GRIA1: variants seen among roughly 807,000 people sequenced by gnomAD.
GRIA1 encodes glutamate receptor 1.
In GRIA1, 31 loss-of-function variants were observed where a neutral mutation model predicts 99.2. That is an observed-to-expected ratio of 0.31 (90% CI 0.23 to 0.42). GRIA1 has a LOEUF of 0.42. Among genes scored for constraint, GRIA1 ranks in the 10% least tolerant of loss-of-function variants. GRIA1 has a pLI of 1.00. For synonymous variants in GRIA1, 438 were observed against 432.4 expected (o/e 1.01, Z -0.16); for missense variants, 782 against 1,157.5 (o/e 0.68, Z 4.71).
chr5:153,675,157 C>G (rs1182917332), intron 6 of GRIA1, among the ~76,000 whole-genome samples: 1 of 152,158 alleles, frequency 6.6e-6, no homozygotes, highest in South Asian at 2.1e-4. Context: ...GGAAAACTAC[C>G]CCCAGTTGGC....
chr5:153,553,657 T>C lies in GRIA1; in HGVS notation c.220+59592T>C, dbSNP rs147883451. Among the ~76,000 whole-genome samples the C allele has an allele frequency of 2.2e-4, 33 of 152,266 alleles. No homozygotes were observed. The East Asian group carries it at 6.2e-3, about 29-fold the overall frequency. Reference sequence around the variant, plus strand: ...ATGCTCACGTGAGGCATTCTTCCCTTACCAGTATTCGTAGAACCATATGCC... The same window carrying C: ...ATGCTCACGTGAGGCATTCTTCCCTCACCAGTATTCGTAGAACCATATGCC... On this transcript the variant is annotated intron_variant, in intron 2 of 15. Transcript: ENST00000285900.
intron 2 of GRIA1, among the ~76,000 whole-genome samples, chr5:153,499,242 T>C (rs1754730179): frequency 6.6e-6 from 1 of 152,156 alleles, no homozygotes; most frequent in Non-Finnish European, 1.5e-5. Flanking sequence ...CTTTATATTA[T>C]GCAACAAATA....
intron 11 of GRIA1, among the ~76,000 whole-genome samples, chr5:153,727,075 G>A (rs1760600697): frequency 6.6e-6 from 1 of 152,052 alleles, no homozygotes; most frequent in Non-Finnish European, 1.5e-5. Flanking sequence ...TGCAAGGCTG[G>A]TTCAATATAT....
At chr5:153,567,233 T>C (rs1016818711) in intron 2 of GRIA1, among the ~76,000 whole-genome samples, 10 of 152,190 alleles carry the variant, frequency 6.6e-5, no homozygotes, top group African/African-American at 2.2e-4. Flanking sequence ...GTGAATAGGA[T>C]AGAACAATGT....
intron 12 of GRIA1, 33 bp from the exon 13 acceptor site, chr5:153,770,135 A>C (rs760428530): frequency 5.6e-6 from 9 of 1,609,630 alleles, no homozygotes. Flanking sequence ...TTCCAAGCGC[A>C]CTTAATTCCA....
At chr5:153,789,559 G>T (rs1255874806) in intron 13 of GRIA1, among the ~76,000 whole-genome samples, 1 of 152,124 alleles carries the variant, frequency 6.6e-6, no homozygotes, top group Non-Finnish European at 1.5e-5. Context: ...ACTTTTAGGA[G>T]AAAGAAAATA....
intron 2 of GRIA1, among the ~76,000 whole-genome samples, chr5:153,616,468 T>TAA (rs11410968): frequency 0.076 from 11,206 of 147,814 alleles, 538 homozygotes; most frequent in Non-Finnish European, 0.11. Context: ...AATGATGAGC[T>TAA]AAAAAAAAAA....
intron 11 of GRIA1, among the ~76,000 whole-genome samples, chr5:153,748,430 C>T (rs968834908): frequency 1.3e-5 from 2 of 152,232 alleles, no homozygotes; most frequent in East Asian, 3.9e-4. Context: ...GAGGAAAAGA[C>T]AGTACAAGAG....
chr5:153,625,991 G>A (rs1006162620), intron 2 of GRIA1, among the ~76,000 whole-genome samples: 7 of 152,186 alleles, frequency 4.6e-5, no homozygotes, highest in African/African-American at 1.4e-4. Flanking sequence ...TTAGTGTGGA[G>A]AGTCAACTGA....
At chr5:153,643,396 AC>A (rs1381794637) in intron 2 of GRIA1, among the ~76,000 whole-genome samples, 2 of 152,238 alleles carry the variant, frequency 1.3e-5, no homozygotes, top group Non-Finnish European at 2.9e-5. Context: ...CTAGCCTAGT[AC>A]TTTGTCTACA....
chr5:153,504,972 T>C (rs1755353278), intron 2 of GRIA1, among the ~76,000 whole-genome samples: 1 of 152,166 alleles, frequency 6.6e-6, no homozygotes, highest in African/African-American at 2.4e-5. Flanking sequence ...GATGGTAGGT[T>C]CTCCTAATTG....
At chr5:153,765,746 G>A (rs1330345231) in intron 12 of GRIA1, among the ~76,000 whole-genome samples, 2 of 152,124 alleles carry the variant, frequency 1.3e-5, no homozygotes, top group Middle Eastern at 3.2e-3. Flanking sequence ...ATTTGCTACC[G>A]CCTACATATG....
chr5:153,633,039 A>G (rs1420464511), intron 2 of GRIA1, among the ~76,000 whole-genome samples: 1 of 152,198 alleles, frequency 6.6e-6, no homozygotes, highest in Non-Finnish European at 1.5e-5. Flanking sequence ...GAAATGGTTC[A>G]TATGCATCTA....
chr5:153,738,864 A>T, intron 11 of GRIA1, among the ~76,000 whole-genome samples: 1 of 151,718 alleles, frequency 6.6e-6, no homozygotes, highest in African/African-American at 2.4e-5. Context: ...CTGGGATTAC[A>T]GGCATGCACC....
chr5:153,760,139 C>T (rs183195141), intron 11 of GRIA1, among the ~76,000 whole-genome samples: 4 of 152,078 alleles, frequency 2.6e-5, no homozygotes, highest in South Asian at 2.1e-4. Context: ...TGGAACTAGA[C>T]GAGGATGGCC....
At chr5:153,590,506 A>G (rs983057498) in intron 2 of GRIA1, among the ~76,000 whole-genome samples, 1 of 147,844 alleles carries the variant, frequency 6.8e-6, no homozygotes, top group African/African-American at 2.5e-5. Context: ...AGCTATTGAA[A>G]TGTGTGTGTG....
In GRIA1 at chr5:153,723,746, C is replaced by T. The variant is rs967452058; in HGVS notation, c.1823+17679C>T. Among the ~76,000 whole-genome samples the T allele has an allele frequency of 4.6e-5, 7 of 151,722 alleles. No individual in the cohort carries two copies. The East Asian group carries it at 5.9e-4, about 13-fold the overall frequency. On this transcript the variant is annotated intron_variant, in intron 11 of 15. Transcript: ENST00000285900. ...AGGTAAACAAAGCAGCCAGGAAGCT[C>T]GAACTGGGTGGAGCCCACCACAGCT...
chr5:153,684,437 TAGAG>T (rs1179168248), intron 7 of GRIA1, among the ~76,000 whole-genome samples: 1 of 152,214 alleles, frequency 6.6e-6, no homozygotes, highest in Non-Finnish European at 1.5e-5. Context: ...AACTTAGTCA[TAGAG>T]AGATTATGTA....
At chr5:153,731,734 T>C (rs1246172452) in intron 11 of GRIA1, among the ~76,000 whole-genome samples, 2 of 152,188 alleles carry the variant, frequency 1.3e-5, no homozygotes, top group East Asian at 3.8e-4. Context: ...TACATAGTTA[T>C]CCTGTAGTGG....
Sources: allele counts gnomAD v4.1 joint callset (sites outside exome capture counted in the v4.1 genomes callset), GRCh38; gene constraint gnomAD v4.1.1; transcripts MANE v1.5; gene names NCBI Gene and HGNC (gene_info 2026-07-23, HGNC 2026-07-21).